The following STK38 variants were observed in gnomAD, a reference collection of about 807,000 sequenced individuals.
The protein encoded by STK38 is serine/threonine-protein kinase 38.
Under a neutral mutation model 59.0 loss-of-function variants are expected in STK38, and 26 were observed. The ratio of observed to expected loss-of-function variants is 0.44; its 90% confidence interval spans 0.32 to 0.61. STK38 has a LOEUF of 0.61. Ranked by LOEUF, STK38 falls within the 20% of genes least tolerant of loss-of-function variation. The pLI is 0.04. For missense variants in STK38, 433 were observed against 566.0 expected (o/e 0.76, Z 2.38); for synonymous variants, 175 against 176.6 (o/e 0.99, Z 0.07).
At chr6:36,517,614 TTTGTGAGCAC>T in intron 6 of STK38, 93 bp downstream of exon 6, 1 of 1,483,774 alleles carries the variant, frequency 6.7e-7, no homozygotes, top group African/African-American at 1.4e-5. Flanking sequence ...AGAAAGCAAC[TTTGTGAGCAC>T]ATTTAAAAGT....
In STK38 at chr6:36,505,434, G is replaced by A. The variant is rs141032777; in HGVS notation, c.834+1149C>T. On this transcript the variant is annotated intron_variant, in intron 9 of 13. Coordinates refer to ENST00000229812, the MANE Select transcript of STK38 (RefSeq NM_007271.4). ...AATATTGTCTGAGGCCCCACTGATA[G>A]GTGGGCTTCAAATAAATCAAAACGA... Among the ~76,000 whole-genome samples the A allele has an allele frequency of 6.5e-3, 987 of 152,264 alleles. 8 individuals carry two copies. The highest frequency in any genetic ancestry group is 0.021 in the African/African-American group (867 of 41,548).
rs762477702 is a variant in STK38, at chr6:36,515,464, T to C, written c.543A>G (p.Lys181=). ...GGDMMTLLMK[K]DTLTEEETQF... ...GAGTCTCCTCTTCTGTCAGAGTGTC[T>C]TTTTTCATCAACAAGGTCATCATGT... The change falls in exon 7 of 14, where the codon AAA becomes AAG. Residue 181 remains lysine, a synonymous_variant. Transcript: ENST00000229812. 5 of 1,613,902 alleles carry C rather than the reference T, an allele frequency of 3.1e-6. No individual in the cohort carries two copies. Among genetic ancestry groups the C allele is most frequent in the Non-Finnish European group, 4.2e-6 (5 of 1,179,976 alleles).
At chr6:36,523,048 C>T (rs1488362884) in intron 4 of STK38, among the ~76,000 whole-genome samples, 1 of 151,974 alleles carries the variant, frequency 6.6e-6, no homozygotes, top group African/African-American at 2.4e-5. Flanking sequence ...CCCCTCTTCT[C>T]CCAAAATAAG....
chr6:36,512,767 TCTC>T (rs1777144563), intron 7 of STK38, among the ~76,000 whole-genome samples: 1 of 151,588 alleles, frequency 6.6e-6, no homozygotes, highest in Admixed American at 6.6e-5. Flanking sequence ...TCAAGCTGAT[TCTC>T]CTGCCTCAGC....
intron 4 of STK38, among the ~76,000 whole-genome samples, chr6:36,523,569 C>T (rs1278076392): frequency 6.6e-6 from 1 of 152,054 alleles, no homozygotes; most frequent in East Asian, 1.9e-4. Context: ...CCCGGGGTAC[C>T]AGGTTTTAAT....
intron 1 of STK38, among the ~76,000 whole-genome samples, chr6:36,543,494 C>T (rs185078577): frequency 6.6e-6 from 1 of 152,112 alleles, no homozygotes; most frequent in Admixed American, 6.5e-5. Flanking sequence ...CCTGTAATCC[C>T]ATCACTTTGG....
rs779310318 is a variant in STK38, at chr6:36,495,888, C to T, written c.1294G>A (p.Asp432Asn). ...TVATSNHPET[D>N]YKNKDWVFIN... is the part of the protein sequence containing the mutation. ...AAGACCCAGTCTTTGTTCTTGTAGT[C>T]AGTCTCAGGATGATTACTTGTGGCC... The change falls in exon 14 of 14, where the codon GAC becomes AAC. Residue 432 changes from aspartate (D) to asparagine (N), a missense_variant. Asp to Asn is a conservative substitution (Grantham distance 23, BLOSUM62 1). This residue lies in a region of STK38 where 136 missense variants were observed against 156.7 expected (regional missense o/e 0.87). Transcript: ENST00000229812. The T allele has an allele frequency of 6.2e-7, 1 of 1,614,022 alleles. No individual in the cohort carries two copies. Among genetic ancestry groups the T allele is most frequent in the South Asian group, 1.1e-5 (1 of 91,060 alleles).
At chr6:36,540,938 G>A (rs745712711) in intron 1 of STK38, among the ~76,000 whole-genome samples, 7 of 151,160 alleles carry the variant, frequency 4.6e-5, no homozygotes, top group African/African-American at 1.2e-4. Flanking sequence ...TCGCTCTGTC[G>A]CCCAGGCTGG....
intron 7 of STK38, 102 bp downstream of exon 7, chr6:36,515,236 T>A: frequency 7.3e-7 from 1 of 1,370,834 alleles, no homozygotes; most frequent in Non-Finnish European, 9.8e-7. Flanking sequence ...ACAAGGCAGG[T>A]CACAGCTCGC....
At chr6:36,504,474 G>C (rs1776911948) in intron 9 of STK38, among the ~76,000 whole-genome samples, 1 of 152,040 alleles carries the variant, frequency 6.6e-6, no homozygotes, top group African/African-American at 2.4e-5. Context: ...TAGCTGAATG[G>C]GATCACTAAC....
At chr6:36,507,218 T>C (rs1381535178) in intron 8 of STK38, among the ~76,000 whole-genome samples, 1 of 152,004 alleles carries the variant, frequency 6.6e-6, no homozygotes, top group Non-Finnish European at 1.5e-5. Context: ...CCAGGAGTTT[T>C]TCCTCTACTA....
chr6:36,536,845 T>A (rs1197370485), intron 2 of STK38, among the ~76,000 whole-genome samples: 2 of 151,840 alleles, frequency 1.3e-5, no homozygotes, highest in Admixed American at 1.3e-4. Flanking sequence ...CCAAATTAGT[T>A]AATTTTTTTT....
At chr6:36,504,741 G>C (rs1023619819) in intron 9 of STK38, among the ~76,000 whole-genome samples, 1 of 151,692 alleles carries the variant, frequency 6.6e-6, no homozygotes, top group Non-Finnish European at 1.5e-5. Context: ...TTTCCTTATA[G>C]AACTATAGAA....
chr6:36,505,665 G>T lies in STK38; in HGVS notation c.834+918C>A, dbSNP rs184487888. 1.2e-4 allele frequency among the ~76,000 whole-genome samples: 19 copies of T among 152,278 alleles called. No individual in the cohort carries two copies. In the East Asian group the frequency reaches 3.7e-3, roughly 29 times the overall value. On this transcript the variant is annotated intron_variant, in intron 9 of 13. Coordinates refer to ENST00000229812, the MANE Select transcript of STK38 (RefSeq NM_007271.4). ...TTACTACCATATATGTGGGCAAACG[G>T]AAGTGCTACCATTTCCAGACAATAC...
intron 7 of STK38, among the ~76,000 whole-genome samples, chr6:36,514,780 G>A (rs915541857): frequency 2.7e-5 from 4 of 150,910 alleles, no homozygotes; most frequent in South Asian, 4.2e-4. Flanking sequence ...CCCAGGAGGC[G>A]GAGGTTGCAG....
chr6:36,509,148 T>A (rs1777040962), intron 7 of STK38, among the ~76,000 whole-genome samples: 2 of 152,202 alleles, frequency 1.3e-5, no homozygotes, highest in South Asian at 4.1e-4. Context: ...AGGTCCCAGG[T>A]TCTTGTCCTG....
chr6:36,534,980 G>A (rs1221204416), intron 2 of STK38, among the ~76,000 whole-genome samples: 1 of 151,512 alleles, frequency 6.6e-6, no homozygotes, highest in Non-Finnish European at 1.5e-5. Flanking sequence ...CAGAATACAA[G>A]ATCAATATAC....
chr6:36,529,598 G>A (rs1777618138), intron 2 of STK38, among the ~76,000 whole-genome samples: 1 of 152,166 alleles, frequency 6.6e-6, no homozygotes, highest in Non-Finnish European at 1.5e-5. Flanking sequence ...CCTTCCATGT[G>A]TTCCATTTAG....
intron 2 of STK38, among the ~76,000 whole-genome samples, chr6:36,532,613 T>C (rs891352885): frequency 6.6e-5 from 10 of 151,978 alleles, no homozygotes; most frequent in African/African-American, 2.4e-4. Context: ...CCATCTATAC[T>C]AAAAATACAA....
Sources: gnomAD v4.1 joint callset for allele counts (sites outside exome capture counted in the v4.1 genomes callset) on GRCh38, gnomAD v4.1.1 for gene constraint, gnomAD v4.1.1 regional missense constraint, MANE v1.5 for transcripts, NCBI Gene and HGNC (gene_info 2026-07-23, HGNC 2026-07-21) for gene names.